FHAD1: variants seen among roughly 807,000 people sequenced by gnomAD.
The protein encoded by FHAD1 is forkhead associated phosphopeptide binding domain 1, also known as forkhead-associated domain-containing protein 1.
In FHAD1, 146 loss-of-function variants were observed where a neutral mutation model predicts 191.3. That is an observed-to-expected ratio of 0.76 (90% confidence interval 0.67 to 0.88). The LOEUF (loss-of-function observed/expected upper bound fraction) is 0.88, where lower values mean the gene tolerates loss of function less well. Ranked by LOEUF, FHAD1 falls within the 40% of genes least tolerant of loss-of-function variation. The pLI, the probability that FHAD1 is intolerant of heterozygous loss-of-function variation, is 0.00. For missense variants in FHAD1, 1,635 were observed against 1,785.8 expected, an observed-to-expected ratio of 0.92 and a Z score of 1.52; for synonymous variants, 616 against 672.3, an observed-to-expected ratio of 0.92 and a Z score of 1.29.
chr1:15,399,240 T>C (rs114027871), downstream of FHAD1, among the ~76,000 whole-genome samples: 587 of 152,282 alleles, frequency 3.9e-3, 4 homozygotes, highest in African/African-American at 0.013. Context: ...TGATATTCCA[T>C]TGGAGGCACA....
chr1:15,304,963 C>A (rs930088837), intron 6 of FHAD1, among the ~76,000 whole-genome samples: 3 of 152,142 alleles, frequency 2.0e-5, no homozygotes, highest in Non-Finnish European at 4.4e-5. Flanking sequence ...CGGGGTCCCC[C>A]CCGACTCCCA....
intron 20 of FHAD1, among the ~76,000 whole-genome samples, chr1:15,356,569 G>T (rs916782062): frequency 6.6e-6 from 1 of 152,076 alleles, no homozygotes; most frequent in Admixed American, 6.6e-5. Flanking sequence ...GGTTTCAACC[G>T]CTTTAAGTTT....
rs987096540 is a variant in FHAD1 at position 15,375,664 on chromosome 1, T to C, written c.3639T>C (p.Asn1213=). 5.2e-6 allele frequency: 8 copies of C among 1,548,168 alleles called. No homozygotes were observed. The highest frequency in any genetic ancestry group is 7.0e-6 in the Non-Finnish European group (8 of 1,145,524). Reference sequence around the variant, plus strand: ...TAAAGAACCTCAGAATGGAAAACAATGTCCAGAAAATACTACTGGATGCAA... The same window carrying C: ...TAAAGAACCTCAGAATGGAAAACAACGTCCAGAAAATACTACTGGATGCAA... ...LDLKNLRMEN[N]VQKILLDAKP... is the part of the protein sequence containing the mutation. Residue 1213 remains asparagine, a synonymous_variant, in exon 28 of 34, where the codon AAT becomes AAC. Coordinates refer to ENST00000688493, the MANE Select transcript of FHAD1 (RefSeq NM_001391957.1).
At chr1:15,385,650 C>G (rs1193417505) in intron 31 of FHAD1, among the ~76,000 whole-genome samples, 1 of 152,132 alleles carries the variant, frequency 6.6e-6, no homozygotes, top group East Asian at 1.9e-4. Context: ...CACCACACAC[C>G]TGTAATCTCA....
At position 15,311,418 on chromosome 1, in the gene FHAD1, TG is replaced by T. The variant is rs914288412; in HGVS notation, c.1040-1635del. On this transcript the variant is annotated intron_variant, in intron 7 of 33. Coordinates refer to ENST00000688493, the MANE Select transcript of FHAD1 (RefSeq NM_001391957.1). This position sits in a 1 kb window ranked among gnomAD's most constrained non-coding sequence, Gnocchi z 4.1. Reference sequence around the variant, plus strand: ...TAGCTCACTTTCCCACCATCCAGAATGGGGCAACCTTGCACTACACAGGGCA... The same window carrying T: ...TAGCTCACTTTCCCACCATCCAGAATGGGCAACCTTGCACTACACAGGGCA... Among the ~76,000 whole-genome samples, 37 of 152,234 alleles carry T rather than the reference TG, an allele frequency of 2.4e-4. No homozygotes were observed. Among genetic ancestry groups the T allele is most frequent in the African/African-American group, 8.9e-4 (37 of 41,538 alleles).
At chr1:15,354,161 A>G (rs1337894013) in intron 20 of FHAD1, among the ~76,000 whole-genome samples, 1 of 152,230 alleles carries the variant, frequency 6.6e-6, no homozygotes, top group Non-Finnish European at 1.5e-5. Context: ...GTTTGCAAAC[A>G]TTAGCATGCA....
At chr1:15,317,216 A>T (rs990188142) in intron 9 of FHAD1, among the ~76,000 whole-genome samples, 3 of 152,190 alleles carry the variant, frequency 2.0e-5, no homozygotes, top group Non-Finnish European at 4.4e-5. Context: ...TATTTGCCTT[A>T]TGTAGAAGGT....
Position 15,289,301 on chromosome 1 carries a change from AAAC to A in FHAD1, c.301-97_301-95del. The A allele has an allele frequency of 1.4e-6, 2 of 1,456,872 alleles. No individual in the cohort carries two copies. The highest frequency in any genetic ancestry group is 1.8e-6 in the Non-Finnish European group (2 of 1,093,678). The allele number at this position is 1,456,872 out of a possible 1,614,324, so 90.2% of individuals were successfully genotyped here. On this transcript the variant is annotated intron_variant, in intron 3 of 33. Coordinates refer to ENST00000688493, the MANE Select transcript of FHAD1 (RefSeq NM_001391957.1). This position sits in a 1 kb window ranked among gnomAD's most constrained non-coding sequence, Gnocchi z 4.2. ...CCCTGCCCGACCGGAAGTGACTCAT[AAAC>A]CAAGACCTTGGGCAGCAATGCTGTG...
downstream of FHAD1, among the ~76,000 whole-genome samples, chr1:15,399,474 G>A (rs1706923197): frequency 6.6e-6 from 1 of 152,132 alleles, no homozygotes; most frequent in Admixed American, 6.5e-5. Flanking sequence ...GCTGTGCTGG[G>A]AGGATCGCTT....
chr1:15,350,115 G>T (rs149582110), intron 19 of FHAD1, among the ~76,000 whole-genome samples: 3 of 152,188 alleles, frequency 2.0e-5, no homozygotes, highest in Admixed American at 1.3e-4. Flanking sequence ...TCATTCATCC[G>T]CCCATAAATA....
At chr1:15,322,694 A>C (rs1295409642) in intron 10 of FHAD1, among the ~76,000 whole-genome samples, 2 of 152,238 alleles carry the variant, frequency 1.3e-5, no homozygotes, top group African/African-American at 4.8e-5. Context: ...TCATCATTGC[A>C]GAAAGTTCTA....
At chr1:15,332,571 T>A (rs898401533) in intron 14 of FHAD1, among the ~76,000 whole-genome samples, 1 of 152,098 alleles carries the variant, frequency 6.6e-6, no homozygotes, top group African/African-American at 2.4e-5. Flanking sequence ...AATAATAAAT[T>A]AGCCAGGCAT....
At chr1:15,362,253 G>A (rs1490825465) in intron 22 of FHAD1, among the ~76,000 whole-genome samples, 1 of 152,238 alleles carries the variant, frequency 6.6e-6, no homozygotes, top group Non-Finnish European at 1.5e-5. Context: ...GGTGCACTGA[G>A]GTGTAAATGG....
At chr1:15,251,380 TAGGAACAC>T (rs1418849154) in intron 1 of FHAD1, among the ~76,000 whole-genome samples, 1 of 152,156 alleles carries the variant, frequency 6.6e-6, no homozygotes, top group African/African-American at 2.4e-5. Context: ...AAGGATGGGT[TAGGAACAC>T]AGAACTTGAA....
intron 3 of FHAD1, among the ~76,000 whole-genome samples, chr1:15,277,169 A>T (rs756698063): frequency 6.6e-6 from 1 of 152,116 alleles, no homozygotes; most frequent in Non-Finnish European, 1.5e-5. Flanking sequence ...CCCTGCTCCC[A>T]TTCCAGCCAG....
At chr1:15,336,861 C>T (rs557457758) in intron 14 of FHAD1, among the ~76,000 whole-genome samples, 4 of 152,328 alleles carry the variant, frequency 2.6e-5, no homozygotes, top group East Asian at 3.9e-4. Flanking sequence ...ACCCTTTAGG[C>T]GCTCTGCTTC....
In FHAD1 at chr1:15,360,577, G is replaced by T; in HGVS notation, c.2836G>T (p.Glu946Ter). 1.3e-6 allele frequency: 2 copies of T among 1,552,134 alleles called. No homozygotes were observed. Among genetic ancestry groups the T allele is most frequent in the Non-Finnish European group, 1.7e-6 (2 of 1,147,082 alleles). Reference protein sequence around the residue: ...QRHGFEEEIMEYKEQIKQHAQ... With the variant: ...QRHGFEEEIM ...ACACGGGTTTGAAGAAGAGATCATG[G>T]AATATAAGGAGCAAATCAAACAGCA... Residue 946 changes from glutamate to a stop codon, truncating the protein, a stop_gained, in exon 22 of 34, where the codon GAA becomes TAA. Transcript: ENST00000688493. LOFTEE classifies it high-confidence loss of function.
At chr1:15,277,119 T>C (rs1226016789) in intron 3 of FHAD1, among the ~76,000 whole-genome samples, 3 of 152,202 alleles carry the variant, frequency 2.0e-5, no homozygotes, top group Admixed American at 6.5e-5. Flanking sequence ...GCTGTTCTTA[T>C]AAAGCAGCTA....
chr1:15,394,328 C>T (rs142971017), intron 33 of FHAD1, among the ~76,000 whole-genome samples: 4 of 152,164 alleles, frequency 2.6e-5, no homozygotes, highest in East Asian at 1.9e-4. Context: ...AACTCCACAC[C>T]GGCTCAGGGC....
Sources: allele counts gnomAD v4.1 joint callset (sites outside exome capture counted in the v4.1 genomes callset), GRCh38; gene constraint gnomAD v4.1.1; non-coding constraint Gnocchi (gnomAD v3.1); transcripts MANE v1.5; gene names NCBI Gene and HGNC (gene_info 2026-07-23, HGNC 2026-07-21).